Variants in COMMD10 observed in about 807,000 individuals in gnomAD.
COMMD10 encodes the protein COMM domain containing 10.
COMMD10 carries 33 observed loss-of-function variants against 28.9 expected under a neutral mutation model. The observed-to-expected ratio is 1.14, with a 90% CI of 0.87 to 1.53. The LOEUF (loss-of-function observed/expected upper bound fraction) is 1.53. Ranked by LOEUF, COMMD10 falls within the 40% of genes most tolerant of loss-of-function variation. The pLI is 0.00. For missense variants in COMMD10, 310 were observed against 233.4 expected (o/e 1.33, Z -2.14); for synonymous variants, 110 against 81.7 (o/e 1.35, Z -1.87).
chr5:116,168,285 A>G (rs929559902), intron 5 of COMMD10, among the ~76,000 whole-genome samples: 11 of 152,160 alleles, frequency 7.2e-5, no homozygotes, highest in African/African-American at 2.7e-4. Flanking sequence ...AAGAAGAGCT[A>G]ACTTTCTTAA....
chr5:116,222,955 G>A (rs938622898), intron 5 of COMMD10, among the ~76,000 whole-genome samples: 1 of 152,144 alleles, frequency 6.6e-6, no homozygotes, highest in African/African-American at 2.4e-5. Flanking sequence ...CCTCCAAAGT[G>A]CTGGGATTAC....
chr5:116,220,093 T>TA (rs1438204900), intron 5 of COMMD10, among the ~76,000 whole-genome samples: 2 of 152,220 alleles, frequency 1.3e-5, no homozygotes, highest in Non-Finnish European at 2.9e-5. Context: ...TGAAGCTTTC[T>TA]ATGATAGACA....
intron 5 of COMMD10, among the ~76,000 whole-genome samples, chr5:116,238,710 G>A (rs1749740675): frequency 6.6e-6 from 1 of 152,140 alleles, no homozygotes; most frequent in Non-Finnish European, 1.5e-5. Flanking sequence ...GCAACAAGAT[G>A]AAAATCTCCA....
chr5:116,222,181 A>T (rs949960662), intron 5 of COMMD10, among the ~76,000 whole-genome samples: 1 of 152,236 alleles, frequency 6.6e-6, no homozygotes, highest in South Asian at 2.1e-4. Context: ...CTCTTCAGTG[A>T]TAGTCAAATC....
chr5:116,098,614 T>A (rs1194756701), intron 4 of COMMD10, among the ~76,000 whole-genome samples: 1 of 152,156 alleles, frequency 6.6e-6, no homozygotes, highest in South Asian at 2.1e-4. Flanking sequence ...ATGTGTAGAT[T>A]ATATTTAAAT....
At chr5:116,207,055 T>A (rs1216574091) in intron 5 of COMMD10, among the ~76,000 whole-genome samples, 3 of 152,224 alleles carry the variant, frequency 2.0e-5, no homozygotes, top group African/African-American at 7.2e-5. Flanking sequence ...TGTGAGAGAA[T>A]CTGAAGTACT....
intron 4 of COMMD10, among the ~76,000 whole-genome samples, chr5:116,127,669 C>T (rs552501295): frequency 5.3e-5 from 8 of 152,234 alleles, no homozygotes; most frequent in East Asian, 1.9e-4. Flanking sequence ...AGCAAATTAT[C>T]GCAAGGACAG....
intron 5 of COMMD10, among the ~76,000 whole-genome samples, chr5:116,261,498 T>C (rs1187652485): frequency 6.6e-6 from 1 of 151,734 alleles, no homozygotes; most frequent in African/African-American, 2.4e-5. Flanking sequence ...TTTATCAAAT[T>C]GGTCAGTGCA....
At chr5:116,238,389 A>G (rs1749734195) in intron 5 of COMMD10, among the ~76,000 whole-genome samples, 2 of 152,196 alleles carry the variant, frequency 1.3e-5, no homozygotes, top group African/African-American at 4.8e-5. Flanking sequence ...CAAATCTTTG[A>G]TGATTTTATT....
intron 5 of COMMD10, among the ~76,000 whole-genome samples, chr5:116,152,118 A>G (rs933311612): frequency 2.0e-5 from 3 of 152,136 alleles, no homozygotes; most frequent in Non-Finnish European, 2.9e-5. Context: ...TTATGTACCC[A>G]GTAGTCATTC....
chr5:116,226,362 C>T (rs182335875), intron 5 of COMMD10, among the ~76,000 whole-genome samples: 232 of 151,014 alleles, frequency 1.5e-3, no homozygotes, highest in African/African-American at 5.3e-3. Context: ...TAGACATTAA[C>T]TTACACCTCA....
At chr5:116,213,085 C>G (rs1388917316) in intron 5 of COMMD10, among the ~76,000 whole-genome samples, 1 of 151,882 alleles carries the variant, frequency 6.6e-6, no homozygotes, top group Non-Finnish European at 1.5e-5. Context: ...ATTGGTTTGT[C>G]ATATTTTATT....
At chr5:116,140,285 G>A (rs9942399) in intron 5 of COMMD10, among the ~76,000 whole-genome samples, 47,315 of 150,336 alleles carry the variant, frequency 0.31, 10,266 homozygotes, top group African/African-American at 0.62. Flanking sequence ...ATGTCTATGC[G>A]TATATATATG....
chr5:116,101,803 G>A (rs1750674979), intron 4 of COMMD10, among the ~76,000 whole-genome samples: 1 of 152,190 alleles, frequency 6.6e-6, no homozygotes, highest in Admixed American at 6.5e-5. Context: ...TCTCTGATCA[G>A]TGATGTTGAG....
intron 5 of COMMD10, among the ~76,000 whole-genome samples, chr5:116,213,453 A>G (rs546348456): frequency 5.1e-4 from 78 of 152,282 alleles, no homozygotes; most frequent in Admixed American, 1.1e-3. Context: ...GGATCTGTGT[A>G]AAGATTCTTA....
chr5:116,113,437 A>T (rs1001882587), intron 4 of COMMD10, among the ~76,000 whole-genome samples: 1 of 147,500 alleles, frequency 6.8e-6, no homozygotes, highest in Non-Finnish European at 1.5e-5. Flanking sequence ...CCAGTAATTC[A>T]TAAGTTCAAT....
chr5:116,126,801 A>G (rs1252242840), intron 4 of COMMD10, among the ~76,000 whole-genome samples: 2 of 152,242 alleles, frequency 1.3e-5, no homozygotes, highest in Non-Finnish European at 2.9e-5. Flanking sequence ...CTTAAAAATT[A>G]GACCTAAAAC....
chr5:116,268,754 A>G (rs1750674537), intron 5 of COMMD10, among the ~76,000 whole-genome samples: 1 of 151,966 alleles, frequency 6.6e-6, no homozygotes, highest in African/African-American at 2.4e-5. Context: ...GCACCATGGA[A>G]TACTGTGCAG....
At chr5:116,204,147 C>G (rs912925357) in intron 5 of COMMD10, among the ~76,000 whole-genome samples, 1 of 151,994 alleles carries the variant, frequency 6.6e-6, no homozygotes, top group African/African-American at 2.4e-5. Flanking sequence ...CAAAGAAGGC[C>G]ATTACATCAT....
Sources: gnomAD v4.1 joint callset for allele counts (sites outside exome capture counted in the v4.1 genomes callset) on GRCh38, gnomAD v4.1.1 for gene constraint, MANE v1.5 for transcripts, NCBI Gene and HGNC (gene_info 2026-07-23, HGNC 2026-07-21) for gene names.